CNBD1: variants seen among roughly 807,000 people sequenced by gnomAD.
The protein encoded by CNBD1 is cyclic nucleotide-binding domain-containing protein 1.
A neutral mutation model predicts 54.4 loss-of-function variants in CNBD1; 71 were observed. That is an observed-to-expected ratio of 1.30 (90% CI 1.08 to 1.59). CNBD1 has a LOEUF of 1.59. Ranked by LOEUF, CNBD1 falls within the 40% of genes most tolerant of loss-of-function variation. The pLI is 0.00. For missense variants in CNBD1, 659 were observed against 518.0 expected (o/e 1.27, Z -2.64); for synonymous variants, 182 against 170.7 (o/e 1.07, Z -0.51).
chr8:86,994,138 A>T (rs1808816219), intron 4 of CNBD1, among the ~76,000 whole-genome samples: 1 of 152,216 alleles, frequency 6.6e-6, no homozygotes, highest in Non-Finnish European at 1.5e-5. Flanking sequence ...GCCATCCACA[A>T]ATCTTTGCTC....
chr8:86,897,755 G>A (rs1290281906), intron 2 of CNBD1, among the ~76,000 whole-genome samples: 1 of 152,210 alleles, frequency 6.6e-6, no homozygotes, highest in African/African-American at 2.4e-5. Flanking sequence ...GGAAGCCTAT[G>A]AAGTGCAGTT....
At chr8:87,236,819 A>T in intron 5 of CNBD1, 100 bp from the exon 6 acceptor site, 1 of 621,434 alleles carries the variant, frequency 1.6e-6, no homozygotes, top group Non-Finnish European at 2.7e-6. Context: ...CACTGAAAGA[A>T]ATACGTTGAA....
chr8:87,015,464 C>T (rs897430322), intron 4 of CNBD1, among the ~76,000 whole-genome samples: 7 of 152,006 alleles, frequency 4.6e-5, no homozygotes, highest in African/African-American at 7.2e-5. Flanking sequence ...GAATTACAGG[C>T]GTGATCCATC....
At chr8:87,125,994 A>T (rs1164823500) in intron 4 of CNBD1, among the ~76,000 whole-genome samples, 3 of 151,816 alleles carry the variant, frequency 2.0e-5, no homozygotes. Flanking sequence ...ATGTTGCTGC[A>T]TGTATCATTT....
chr8:87,369,642 C>T (rs1466035525), intron 10 of CNBD1, among the ~76,000 whole-genome samples: 2 of 151,858 alleles, frequency 1.3e-5, no homozygotes, highest in African/African-American at 4.8e-5. Context: ...TTCTTCTGGC[C>T]TCTATAGTTT....
At chr8:87,001,299 G>C (rs1307410154) in intron 4 of CNBD1, among the ~76,000 whole-genome samples, 1 of 152,080 alleles carries the variant, frequency 6.6e-6, no homozygotes, top group African/African-American at 2.4e-5. Context: ...GTATTATAGT[G>C]TAAGTTAATA....
At chr8:86,910,457 C>T (rs1473747501) in intron 3 of CNBD1, among the ~76,000 whole-genome samples, 1 of 152,084 alleles carries the variant, frequency 6.6e-6, no homozygotes, top group Non-Finnish European at 1.5e-5. Context: ...ATTGGCTGCC[C>T]AGTGGCATAG....
chr8:87,269,486 G>A (rs1209593371), intron 6 of CNBD1, among the ~76,000 whole-genome samples: 2 of 152,052 alleles, frequency 1.3e-5, no homozygotes, highest in African/African-American at 2.4e-5. Context: ...CATAGGAATA[G>A]CATTGACTAT....
At chr8:87,338,608 A>AT (rs112769789) in intron 8 of CNBD1, among the ~76,000 whole-genome samples, 3,008 of 127,420 alleles carry the variant, frequency 0.024, 99 homozygotes, top group African/African-American at 0.078. Flanking sequence ...GCTTTCTTTC[A>AT]TTTTTTCTTT....
rs1808996878 is a variant in CNBD1 at position 86,905,095 on chromosome 8, A to G, written c.173A>G (p.Asn58Ser). 2 of 1,606,128 alleles carry G rather than the reference A, an allele frequency of 1.2e-6. No homozygotes were observed. Among genetic ancestry groups the G allele is most frequent in the Non-Finnish European group, 1.7e-6 (2 of 1,174,018 alleles). The change falls in exon 3 of 11, where the codon AAT becomes AGT. Residue 58 changes from asparagine (N) to serine (S), a missense_variant. Transcript: ENST00000518476. ...IRGQHSRSMS[N>S]ILSAHDTFMK... ...TTCTTTTTAAGCCGGAGTATGAGCA[A>G]TATCTTATCAGCTCACGATACATTT...
At chr8:87,249,919 G>T (rs1217318796) in intron 6 of CNBD1, among the ~76,000 whole-genome samples, 1 of 152,102 alleles carries the variant, frequency 6.6e-6, no homozygotes, top group Admixed American at 6.5e-5. Flanking sequence ...CCTGAACAAA[G>T]ATTTCTTGAG....
At chr8:87,393,979 T>A (rs28391550) in intron 2 of CNBD1, among the ~76,000 whole-genome samples, 1,665 of 151,758 alleles carry the variant, frequency 0.011, 40 homozygotes, top group African/African-American at 0.038. Flanking sequence ...TGCACTTACT[T>A]GAGTAAATGA....
intron 4 of CNBD1, among the ~76,000 whole-genome samples, chr8:86,968,836 C>T (rs767504051): frequency 3.3e-5 from 5 of 152,118 alleles, no homozygotes; most frequent in Non-Finnish European, 7.4e-5. Flanking sequence ...CAATCAGATA[C>T]GCATTTATCT....
chr8:86,920,890 T>C (rs547569170), intron 3 of CNBD1, among the ~76,000 whole-genome samples: 38 of 152,018 alleles, frequency 2.5e-4, no homozygotes, highest in African/African-American at 8.7e-4. Context: ...CATTTTTTTT[T>C]CCCAAACACA....
intron 4 of CNBD1, among the ~76,000 whole-genome samples, chr8:86,978,700 G>T (rs1001406023): frequency 6.6e-6 from 1 of 151,686 alleles, no homozygotes; most frequent in Non-Finnish European, 1.5e-5. Flanking sequence ...GCTCCAACAC[G>T]CCTGGCTAAT....
intron 8 of CNBD1, among the ~76,000 whole-genome samples, chr8:87,308,765 T>C (rs1809207172): frequency 6.6e-6 from 1 of 152,122 alleles, no homozygotes; most frequent in African/African-American, 2.4e-5. Context: ...TCCTAGCCTC[T>C]CATATTGATA....
At chr8:87,001,340 T>C (rs1271766912) in intron 4 of CNBD1, among the ~76,000 whole-genome samples, 1 of 152,164 alleles carries the variant, frequency 6.6e-6, no homozygotes, top group Non-Finnish European at 1.5e-5. Context: ...TTTTGTGTTA[T>C]ATTTTCTTCC....
Position 87,305,543 on chromosome 8 carries a change from G to T in CNBD1, c.1042+18872G>T, listed in dbSNP as rs140320256. Among the ~76,000 whole-genome samples, 1,469 of 152,136 alleles carry T rather than the reference G, an allele frequency of 9.7e-3. 20 individuals are homozygous for T. The highest frequency in any genetic ancestry group is 0.033 in the African/African-American group (1,350 of 41,502). On this transcript the variant is annotated intron_variant, in intron 8 of 10. Transcript: ENST00000518476. ...ATAGTCACCAAAACAGCATGGGATT[G>T]GTATAAAAATAGGCACATAGACCCA...
chr8:87,426,062 G>A (rs550258568), intron 2 of CNBD1, among the ~76,000 whole-genome samples: 9 of 152,332 alleles, frequency 5.9e-5, no homozygotes, highest in African/African-American at 2.2e-4. Context: ...CAGTATTTGG[G>A]TGGGAGTGAA....
Sources: allele counts gnomAD v4.1 joint callset (sites outside exome capture counted in the v4.1 genomes callset), GRCh38; gene constraint gnomAD v4.1.1; transcripts MANE v1.5; gene names NCBI Gene and HGNC (gene_info 2026-07-23, HGNC 2026-07-21).